The following PVT1 variants were observed in gnomAD, a reference collection of about 807,000 sequenced individuals.
The protein encoded by PVT1 is Pvt1 oncogene, also known as CXCR4/PVT1 fusion.
rs1816688165 is a variant in PVT1, at chr8:127,964,946, C to T, written n.783-24216C>T. On this transcript the variant is annotated intron_variant and non_coding_transcript_variant, in intron 3 of 10. Transcript: ENST00000651587. ...ACAGCATGGGATTACAGGCGTGAGC[C>T]CCCACTCCTATCCAAGATTCTTAAC... 2.0e-5 allele frequency among the ~76,000 whole-genome samples: 3 copies of T among 152,236 alleles called. No individual in the cohort carries two copies. In the South Asian group the frequency reaches 6.2e-4, roughly 32 times the overall value.
At chr8:127,872,804 A>G (rs1026885772) in intron 2 of PVT1, among the ~76,000 whole-genome samples, 2 of 152,236 alleles carry the variant, frequency 1.3e-5, no homozygotes, top group Non-Finnish European at 2.9e-5. Flanking sequence ...GGCCATCATG[A>G]GAGTTACAGC....
At chr8:128,039,515 T>C (rs186474022) in intron 4 of PVT1, among the ~76,000 whole-genome samples, 5 of 152,090 alleles carry the variant, frequency 3.3e-5, no homozygotes, top group African/African-American at 1.2e-4. Flanking sequence ...GCTGGGTGGG[T>C]TTCAGGAAAT....
At chr8:127,998,037 G>C (rs1817127435) in intron 4 of PVT1, among the ~76,000 whole-genome samples, 1 of 152,212 alleles carries the variant, frequency 6.6e-6, no homozygotes, top group Non-Finnish European at 1.5e-5. Flanking sequence ...CAGAGGTAAA[G>C]TTCCGCTTTT....
intron 3 of PVT1, among the ~76,000 whole-genome samples, chr8:127,934,409 T>C (rs1279930156): frequency 6.6e-6 from 1 of 152,226 alleles, no homozygotes; most frequent in African/African-American, 2.4e-5. Flanking sequence ...CCTTGAAGCC[T>C]TCCCTCTGGG....
chr8:127,880,793 G>A (rs1042484966), intron 2 of PVT1, among the ~76,000 whole-genome samples: 4 of 152,044 alleles, frequency 2.6e-5, no homozygotes, highest in African/African-American at 9.7e-5. Context: ...TAGAGACGGG[G>A]TTTTGCCATG....
intron 3 of PVT1, among the ~76,000 whole-genome samples, chr8:127,983,720 AT>A (rs1179160140): frequency 6.6e-6 from 1 of 152,178 alleles, no homozygotes; most frequent in South Asian, 2.1e-4. Context: ...AACTCAGGAA[AT>A]TTAGCATTGC....
intron 4 of PVT1, among the ~76,000 whole-genome samples, chr8:128,043,828 G>A (rs1813575762): frequency 7.8e-6 from 1 of 127,954 alleles, no homozygotes; most frequent in South Asian, 2.5e-4. Context: ...CAAACATCTT[G>A]TCTTTTTTTT....
chr8:127,855,227 C>T (rs1360684856), intron 2 of PVT1: 2 of 398,652 alleles, frequency 5.0e-6, no homozygotes, highest in East Asian at 3.6e-5. Flanking sequence ...GTCCTGCTGT[C>T]ACTGTGGATT....
intron 2 of PVT1, among the ~76,000 whole-genome samples, chr8:127,823,181 A>G (rs966550210): frequency 2.0e-5 from 3 of 152,170 alleles, no homozygotes; most frequent in Non-Finnish European, 4.4e-5. Context: ...AGCGCTTGGA[A>G]TGGTGCATAT....
intron 2 of PVT1, among the ~76,000 whole-genome samples, chr8:127,841,021 G>A (rs1293800441): frequency 6.6e-6 from 1 of 152,226 alleles, no homozygotes; most frequent in South Asian, 2.1e-4. Context: ...TTTCACCTTT[G>A]TGTGCCCCAA....
intron 2 of PVT1, chr8:127,855,147 TC>T: frequency 2.5e-6 from 1 of 398,736 alleles, no homozygotes; most frequent in Non-Finnish European, 4.4e-6. Flanking sequence ...GCTGGAATCT[TC>T]CCTAAGGACC....
At chr8:127,921,278 A>G (rs1222729190) in intron 3 of PVT1, among the ~76,000 whole-genome samples, 1 of 152,164 alleles carries the variant, frequency 6.6e-6, no homozygotes, top group African/African-American at 2.4e-5. Context: ...TTAACCGTGG[A>G]GAAGAGAAAG....
At chr8:127,946,198 T>G (rs1036299793) in intron 3 of PVT1, among the ~76,000 whole-genome samples, 6 of 152,198 alleles carry the variant, frequency 3.9e-5, no homozygotes, top group African/African-American at 1.4e-4. Context: ...TCTCCCAAGC[T>G]TGTTGGGTTA....
intron 4 of PVT1, among the ~76,000 whole-genome samples, chr8:128,017,246 C>T (rs556431315): frequency 3.3e-5 from 5 of 152,210 alleles, no homozygotes; most frequent in African/African-American, 9.6e-5. Context: ...TCCTATTTTC[C>T]AAACTTTGCC....
intron 4 of PVT1, among the ~76,000 whole-genome samples, chr8:128,040,019 T>C (rs980488392): frequency 6.6e-6 from 1 of 152,148 alleles, no homozygotes; most frequent in African/African-American, 2.4e-5. Flanking sequence ...GGAGTGCCTA[T>C]TTGTTTTTTT....
At chr8:127,927,126 C>G (rs1378484536) in intron 3 of PVT1, among the ~76,000 whole-genome samples, 1 of 152,214 alleles carries the variant, frequency 6.6e-6, no homozygotes, top group Non-Finnish European at 1.5e-5. Context: ...AGGAGCCAGG[C>G]ACTCAGTTGT....
chr8:127,947,652 T>TG (rs769579833), intron 3 of PVT1: 3 of 453,580 alleles, frequency 6.6e-6, no homozygotes, highest in Admixed American at 2.4e-5. Context: ...CTTTGACACC[T>TG]GGGGCAGGTT....
intron 2 of PVT1, among the ~76,000 whole-genome samples, chr8:127,798,736 C>T (rs567558867): frequency 2.0e-5 from 3 of 148,570 alleles, no homozygotes; most frequent in East Asian, 2.0e-4. Flanking sequence ...ATTAGCCCGG[C>T]GTGGTGGCAC....
rs1194101031 is a variant in PVT1, at chr8:127,826,337, T to G, written n.372+30266T>G. On this transcript the variant is annotated intron_variant and non_coding_transcript_variant, in intron 2 of 10. Transcript: ENST00000651587. ...CTAGATTGCTTGACCTGGTGCCTAA[T>G]CCTGGTGATTTCTCGTAAAAATCAG... Among the ~76,000 whole-genome samples, 3 of 152,250 alleles carry G rather than the reference T, an allele frequency of 2.0e-5. No homozygotes were observed. In the East Asian group the frequency reaches 5.8e-4, roughly 29 times the overall value.
Sources: allele counts gnomAD v4.1 joint callset (sites outside exome capture counted in the v4.1 genomes callset), GRCh38; gene constraint gnomAD v4.1.1; transcripts MANE v1.5; gene names NCBI Gene and HGNC (gene_info 2026-07-23, HGNC 2026-07-21).